The following ATP7B variants were observed in gnomAD, a reference collection of about 807,000 sequenced individuals.
ATP7B encodes copper-transporting ATPase 2.
In ATP7B, 113 loss-of-function variants were observed where a neutral mutation model predicts 118.9. The observed-to-expected ratio is 0.95, with a 90% confidence interval of 0.82 to 1.11. The LOEUF is 1.11. Ranked by LOEUF, ATP7B falls within the 50% of genes most tolerant of loss-of-function variation. The pLI, the probability that ATP7B is intolerant of heterozygous loss-of-function variation, is 0.00. For synonymous variants in ATP7B, 777 were observed against 727.4 expected (o/e 1.07, Z -1.10); for missense variants, 1,867 against 1,871.4 (o/e 1.00, Z 0.04).
intron 9 of ATP7B, among the ~76,000 whole-genome samples, chr13:51,952,186 C>A (rs571892873): frequency 3.9e-5 from 6 of 152,114 alleles, no homozygotes; most frequent in Non-Finnish European, 5.9e-5. Context: ...AGAGATGCTG[C>A]GGGGGGAGAG....
intron 1 of ATP7B, among the ~76,000 whole-genome samples, chr13:51,985,501 A>G (rs1338864195): frequency 6.6e-6 from 1 of 152,224 alleles, no homozygotes; most frequent in Non-Finnish European, 1.5e-5. Context: ...AATATTAGAC[A>G]GATCAATGAG....
intron 9 of ATP7B, among the ~76,000 whole-genome samples, chr13:51,952,256 C>T (rs1958056645): frequency 6.6e-6 from 1 of 152,220 alleles, no homozygotes; most frequent in Non-Finnish European, 1.5e-5. Context: ...CCAGGGCCAG[C>T]TTCAGCAGCA....
rs1309174183 is a variant in ATP7B, at chr13:51,965,024, T to C, written c.1717A>G (p.Met573Val). The C allele has an allele frequency of 6.2e-7, 1 of 1,614,060 alleles. No individual in the cohort carries two copies. The highest frequency in any genetic ancestry group is 8.5e-7 in the Non-Finnish European group (1 of 1,180,034). Residue 573 changes from methionine (M) to valine (V), a missense_variant, in exon 5 of 21, where the codon ATG becomes GTG. Transcript: ENST00000242839. ...TTGTGGACACAGGACGCGCAGGTCATCCCTGTGATCTGCAACACAGGATGG... is the reference window on the plus strand; with the variant it reads ...TTGTGGACACAGGACGCGCAGGTCACCCCTGTGATCTGCAACACAGGATGG... ...DGNIELTITGMTCASCVHNIE... is the reference protein window; with the variant it reads ...DGNIELTITGVTCASCVHNIE...
At chr13:51,977,028 C>G (rs1192898031) in intron 1 of ATP7B, among the ~76,000 whole-genome samples, 1 of 152,130 alleles carries the variant, frequency 6.6e-6, no homozygotes, top group Non-Finnish European at 1.5e-5. Flanking sequence ...CATAGCCAGA[C>G]AGTGGCTCAT....
At chr13:52,005,167 T>C (rs993512581) in intron 1 of ATP7B, among the ~76,000 whole-genome samples, 1 of 152,222 alleles carries the variant, frequency 6.6e-6, no homozygotes, top group Non-Finnish European at 1.5e-5. Flanking sequence ...CAAATCCCTT[T>C]AAGGTCATTC....
intron 20 of ATP7B, 141 bp from the exon 21 acceptor site, chr13:51,935,170 T>A: frequency 1.6e-6 from 2 of 1,233,554 alleles, no homozygotes; most frequent in East Asian, 2.5e-5. Context: ...AAAAGGACAT[T>A]AAACTCCCTA....
At position 51,960,177 on chromosome 13, in the gene ATP7B, T is replaced by C; in HGVS notation, c.2092A>G (p.Ile698Val). 6.2e-7 allele frequency: 1 copy of C among 1,600,440 alleles called. No homozygotes were observed. The highest frequency in any genetic ancestry group is 8.6e-7 in the Non-Finnish European group (1 of 1,168,942). The change falls in exon 7 of 21, where the codon ATC becomes GTC. Residue 698 changes from isoleucine to valine, a missense_variant. Physicochemically the swap from Ile to Val is conservative, Grantham distance 29 (BLOSUM62 3). Transcript: ENST00000242839. ...ACAAAGGTACACAAGATAAAGAAGATGAGATTTAGAATGGACAGTCCTGGA... is the reference window on the plus strand; with the variant it reads ...ACAAAGGTACACAAGATAAAGAAGACGAGATTTAGAATGGACAGTCCTGGA... ...IIPGLSILNL[I>V]FFILCTFVQL...
At chr13:51,965,137 C>A in intron 4 of ATP7B, 104 bp from the exon 5 acceptor site, 1 of 1,408,842 alleles carries the variant, frequency 7.1e-7, no homozygotes, top group Non-Finnish European at 9.9e-7. Context: ...GCCTTTCCCT[C>A]CTCAGCACTG....
intron 9 of ATP7B, among the ~76,000 whole-genome samples, chr13:51,954,480 T>C (rs952437471): frequency 1.3e-5 from 2 of 152,224 alleles, no homozygotes; most frequent in South Asian, 2.1e-4. Context: ...ACTGGATTGA[T>C]AAATGGCTGC....
chr13:51,960,977 T>C (rs924889400), intron 6 of ATP7B, among the ~76,000 whole-genome samples: 2 of 152,002 alleles, frequency 1.3e-5, no homozygotes, highest in African/African-American at 4.8e-5. Context: ...TCTTAGGCTG[T>C]TGGACTGCTA....
upstream of ATP7B, chr13:52,012,069 G>A (rs1335589691): frequency 1.0e-5 from 5 of 485,170 alleles, no homozygotes; most frequent in Non-Finnish European, 1.9e-5. Context: ...GCCTCCAACG[G>A]GCGGCGGGCT....
chr13:51,996,784 T>A (rs1953232507), intron 1 of ATP7B, among the ~76,000 whole-genome samples: 1 of 152,226 alleles, frequency 6.6e-6, no homozygotes, highest in East Asian at 1.9e-4. Flanking sequence ...GCCTGCTTTA[T>A]CCTGCTGCTT....
At chr13:51,940,273 A>G (rs1334755608) in intron 16 of ATP7B, among the ~76,000 whole-genome samples, 5 of 145,686 alleles carry the variant, frequency 3.4e-5, no homozygotes, top group African/African-American at 5.0e-5. Flanking sequence ...TCAGCCTCCC[A>G]AAGTGCTGGG....
At position 51,950,054 on chromosome 13, in the gene ATP7B, T is replaced by G; in HGVS notation, c.2683A>C (p.Thr895Pro). 6.2e-7 allele frequency: 1 copy of G among 1,614,220 alleles called. No homozygotes were observed. The highest frequency in any genetic ancestry group is 1.3e-5 in the African/African-American group (1 of 75,056). The change falls in exon 11 of 21, where the codon ACT becomes CCT. Residue 895 changes from threonine to proline, a missense_variant. Coordinates refer to ENST00000242839, the MANE Select transcript of ATP7B (RefSeq NM_000053.4). The stretch of plus-strand genomic sequence containing the variant: ...ACCAGTTTCACAATCTGAGCCAAAG[T>G]GGTGTCATTGCCCACGTGGGTAGCT... ...IKATHVGNDT[T>P]LAQIVKLVEE...
intron 2 of ATP7B, 23 bp from the exon 3 acceptor site, chr13:51,970,772 A>G: frequency 6.2e-7 from 1 of 1,611,480 alleles, no homozygotes; most frequent in Non-Finnish European, 8.5e-7. Flanking sequence ...GTCAGAAAAT[A>G]TTCAAATTAG....
At chr13:51,975,211 T>C (rs373148671) in intron 1 of ATP7B, 43 bp from the exon 2 acceptor site, 8 of 1,603,226 alleles carry the variant, frequency 5.0e-6, no homozygotes, top group Non-Finnish European at 6.8e-6. Flanking sequence ...TGAAACCAAA[T>C]ATTTTCTACA....
At chr13:51,995,439 T>G in intron 1 of ATP7B, 1 of 688,416 alleles carries the variant, frequency 1.5e-6, no homozygotes, top group African/African-American at 1.9e-5. Flanking sequence ...CCAGGGCTCT[T>G]CCTAAAGGAC....
intron 1 of ATP7B, among the ~76,000 whole-genome samples, chr13:51,992,342 G>C (rs900252281): frequency 3.3e-5 from 5 of 152,262 alleles, no homozygotes; most frequent in Admixed American, 1.3e-4. Flanking sequence ...TGTTCCAATG[G>C]AAAAGCAAGG....
intron 1 of ATP7B, among the ~76,000 whole-genome samples, chr13:52,005,077 G>A (rs568975676): frequency 4.5e-4 from 68 of 152,160 alleles, no homozygotes; most frequent in Non-Finnish European, 8.7e-4. Flanking sequence ...ACCTGCTGGC[G>A]GGGTATGGTC....
Sources: gnomAD v4.1 joint callset for allele counts (sites outside exome capture counted in the v4.1 genomes callset) on GRCh38, gnomAD v4.1.1 for gene constraint, MANE v1.5 for transcripts, NCBI Gene and HGNC (gene_info 2026-07-23, HGNC 2026-07-21) for gene names.